The following SPMIP3 variants were observed in gnomAD, a reference collection of about 807,000 sequenced individuals.
The protein encoded by SPMIP3 is sperm microtubule inner protein 3, also known as protein SPMIP3.
At chr1:244,366,932 T>C in the SPMIP3 span, among the ~76,000 whole-genome samples, 1 of 151,822 alleles carries the variant, frequency 6.6e-6, no homozygotes, top group East Asian at 1.9e-4. Context: ...GAAGTTGTGA[T>C]AAAGGAAATG....
the SPMIP3 span, chr1:244,389,144 A>C: frequency 2.6e-5 from 29 of 1,094,788 alleles, 2 homozygotes; most frequent in South Asian, 3.7e-4. Flanking sequence ...CAGCAGAACT[A>C]CTTTCAGTTT....
At chr1:244,370,858 T>G in the SPMIP3 span, among the ~76,000 whole-genome samples, 4 of 152,218 alleles carry the variant, frequency 2.6e-5, no homozygotes, top group Non-Finnish European at 5.9e-5. Flanking sequence ...AAAAGTCCAC[T>G]TAACCCTTCT....
the SPMIP3 span, among the ~76,000 whole-genome samples, chr1:244,364,031 G>T: frequency 2.0e-5 from 3 of 151,872 alleles, no homozygotes; most frequent in Admixed American, 6.6e-5. Flanking sequence ...CAACTGATCA[G>T]AACAAAACCA....
the SPMIP3 span, among the ~76,000 whole-genome samples, chr1:244,356,205 C>A: frequency 6.6e-6 from 1 of 152,116 alleles, no homozygotes; most frequent in Admixed American, 6.6e-5. Context: ...TGCTTTGCCA[C>A]CAATTTTAGG....
the SPMIP3 span, among the ~76,000 whole-genome samples, chr1:244,364,307 G>A: frequency 1.1e-3 from 173 of 151,892 alleles, 2 homozygotes; most frequent in East Asian, 0.029. Context: ...GGGTTTCACC[G>A]TGTTAGCCAG....
the SPMIP3 span, among the ~76,000 whole-genome samples, chr1:244,356,363 G>T: frequency 6.6e-6 from 1 of 152,056 alleles, no homozygotes. Context: ...TACTATTATT[G>T]TATATTATAG....
the SPMIP3 span, among the ~76,000 whole-genome samples, chr1:244,361,899 C>T: frequency 1.3e-5 from 2 of 152,342 alleles, no homozygotes; most frequent in East Asian, 1.9e-4. Flanking sequence ...GTCACTTCCA[C>T]TGAAGTAAAC....
the SPMIP3 span, among the ~76,000 whole-genome samples, chr1:244,368,319 CT>C: frequency 6.6e-6 from 1 of 152,174 alleles, no homozygotes; most frequent in East Asian, 1.9e-4. Flanking sequence ...ATGGTAAACA[CT>C]TCTGAAGCTC....
chr1:244,384,894 T>A, the SPMIP3 span, among the ~76,000 whole-genome samples: 9 of 152,216 alleles, frequency 5.9e-5, no homozygotes, highest in Middle Eastern at 3.4e-3. Flanking sequence ...ATCCTAACCA[T>A]TTGGCCAGTT....
the SPMIP3 span, among the ~76,000 whole-genome samples, chr1:244,388,671 A>G: frequency 2.0e-5 from 3 of 152,230 alleles, no homozygotes; most frequent in African/African-American, 7.2e-5. Context: ...ACGACTAAAA[A>G]GGTTTGGGGG....
At chr1:244,373,760 C>A in the SPMIP3 span, among the ~76,000 whole-genome samples, 11 of 151,784 alleles carry the variant, frequency 7.2e-5, no homozygotes, top group Non-Finnish European at 1.0e-4. Flanking sequence ...TTTACACCAA[C>A]CTATCTCATT....
the SPMIP3 span, among the ~76,000 whole-genome samples, chr1:244,377,135 T>G: frequency 6.6e-6 from 1 of 151,084 alleles, no homozygotes; most frequent in African/African-American, 2.4e-5. Flanking sequence ...TTTTATTTTT[T>G]TTTTTTGAGA....
At chr1:244,386,491 C>A in the SPMIP3 span, among the ~76,000 whole-genome samples, 7 of 152,194 alleles carry the variant, frequency 4.6e-5, no homozygotes, top group African/African-American at 1.7e-4. Flanking sequence ...CTGTTGAGTT[C>A]ACCTGGTTAA....
the SPMIP3 span, among the ~76,000 whole-genome samples, chr1:244,357,507 G>A: frequency 4.0e-5 from 6 of 151,750 alleles, no homozygotes; most frequent in Non-Finnish European, 7.4e-5. Flanking sequence ...TCAGGAGTTG[G>A]GGACCAGCCT....
the SPMIP3 span, among the ~76,000 whole-genome samples, chr1:244,356,543 A>G: frequency 6.6e-6 from 1 of 152,306 alleles, no homozygotes; most frequent in Admixed American, 6.5e-5. Flanking sequence ...CTGAACACCA[A>G]TGTGATAAAA....
chr1:244,358,581 T>C, the SPMIP3 span, among the ~76,000 whole-genome samples: 2 of 68,808 alleles, frequency 2.9e-5, no homozygotes, highest in South Asian at 1.3e-3. Context: ...TGAGAGTGTC[T>C]CAAAAAAAAA....
At chr1:244,364,442 T>A in the SPMIP3 span, among the ~76,000 whole-genome samples, 1 of 151,958 alleles carries the variant, frequency 6.6e-6, no homozygotes, top group Non-Finnish European at 1.5e-5. Flanking sequence ...CTTATTTAAT[T>A]TTTTTTTACT....
the SPMIP3 span, among the ~76,000 whole-genome samples, chr1:244,365,057 G>T: frequency 2.6e-5 from 4 of 152,220 alleles, no homozygotes; most frequent in African/African-American, 4.8e-5. Context: ...TGAGATGGTG[G>T]ATGTCTGCGC....
chr1:244,361,768 T>C, the SPMIP3 span, among the ~76,000 whole-genome samples: 2 of 152,206 alleles, frequency 1.3e-5, no homozygotes, highest in African/African-American at 4.8e-5. Context: ...TTTATTCCCT[T>C]ACAAGACTGA....
Sources: gnomAD v4.1 joint callset for allele counts (sites outside exome capture counted in the v4.1 genomes callset) on GRCh38, gnomAD v4.1.1 for gene constraint, MANE v1.5 for transcripts, NCBI Gene and HGNC (gene_info 2026-07-23, HGNC 2026-07-21) for gene names.